The following VPS53 variants were observed in gnomAD, a reference collection of about 807,000 sequenced individuals.
VPS53 encodes the protein VPS53 subunit of GARP complex, also known as vacuolar protein sorting-associated protein 53 homolog.
VPS53 carries 70 observed loss-of-function variants against 107.0 expected under a neutral mutation model. That is an observed-to-expected ratio of 0.65 (90% CI 0.54 to 0.80). The LOEUF (loss-of-function observed/expected upper bound fraction) is 0.80. Ranked by LOEUF, VPS53 falls within the 30% of genes least tolerant of loss-of-function variation. VPS53 has a pLI of 0.00. For synonymous variants in VPS53, 409 were observed against 393.3 expected, an observed-to-expected ratio of 1.04 and a Z score of -0.47; for missense variants, 917 against 1,049.4, an observed-to-expected ratio of 0.87 and a Z score of 1.74.
In VPS53 at chr17:653,360, C is replaced by T; in HGVS notation, c.539G>A (p.Gly180Asp). The change falls in exon 7 of 22, where the codon GGT (glycine) becomes GAT (aspartate). Residue 180 changes from glycine (G) to aspartate (D), a missense_variant. Transcript: ENST00000437048. ...GAAGTGCTCCAGGACATTCATCACA[C>T]CCTGAAGGAGATTAGCAACTTCTCC... ...QYGEVANLLQ[G>D]VMNVLEHFHK... 1 of 1,614,236 alleles carries T rather than the reference C, an allele frequency of 6.2e-7. No homozygotes were observed. The highest frequency in any genetic ancestry group is 2.2e-5 in the East Asian group (1 of 44,888).
At chr17:550,673 C>G (rs1911735053) in intron 17 of VPS53, among the ~76,000 whole-genome samples, 1 of 152,122 alleles carries the variant, frequency 6.6e-6, no homozygotes, top group Non-Finnish European at 1.5e-5. Context: ...AAAAATGAAT[C>G]TCCCATATTC....
chr17:596,438 A>G (rs73277159), intron 12 of VPS53, among the ~76,000 whole-genome samples: 1,683 of 152,280 alleles, frequency 0.011, 27 homozygotes, highest in African/African-American at 0.034. Flanking sequence ...ACACTCAGAA[A>G]GCTGCATGAC....
intron 8 of VPS53, among the ~76,000 whole-genome samples, chr17:628,741 T>A (rs1487395968): frequency 1.3e-5 from 2 of 152,120 alleles, no homozygotes; most frequent in African/African-American, 2.4e-5. Context: ...CCTTAACACA[T>A]AAAACCAGGT....
intron 19 of VPS53, among the ~76,000 whole-genome samples, chr17:522,033 C>T (rs773690034): frequency 5.9e-5 from 9 of 152,132 alleles, no homozygotes; most frequent in Non-Finnish European, 7.3e-5. Flanking sequence ...GCAGCAGGAT[C>T]GCTTGAGCTC....
rs948092520 is a variant in VPS53 at position 519,643 on chromosome 17, T to G, written c.2328+183A>C. ...GCGGGGCATGCAGGGCCTGTCAGAA[T>G]CCTGAAGTGCACGTGCCCGGGGCCA... On this transcript the variant is annotated intron_variant, in intron 21 of 21. Coordinates refer to ENST00000437048, the MANE Select transcript of VPS53 (RefSeq NM_001128159.3). This position sits in a 1 kb window ranked among gnomAD's most constrained non-coding sequence, Gnocchi z 5.0. Among the ~76,000 whole-genome samples, 1 of 152,156 alleles carries G rather than the reference T, an allele frequency of 6.6e-6. No individual in the cohort carries two copies. Among genetic ancestry groups the G allele is most frequent in the African/African-American group, 2.4e-5 (1 of 41,424 alleles).
intron 4 of VPS53, chr17:685,053 G>A (rs1972537319): frequency 6.6e-6 from 1 of 152,174 alleles, no homozygotes; most frequent in South Asian, 2.1e-4. Flanking sequence ...AAGTCCTGAT[G>A]ATCTTGGCGT....
intron 11 of VPS53, among the ~76,000 whole-genome samples, chr17:606,087 T>C (rs185530189): frequency 3.7e-4 from 57 of 152,174 alleles, no homozygotes; most frequent in Non-Finnish European, 4.4e-5. Context: ...GATGGGGAAC[T>C]GGACTAAGCT....
chr17:572,796 A>G (rs961785547), intron 13 of VPS53, among the ~76,000 whole-genome samples: 21 of 149,604 alleles, frequency 1.4e-4, no homozygotes, highest in African/African-American at 5.1e-4. Flanking sequence ...AGGGCAGTGC[A>G]AGATGTGCTT....
intron 19 of VPS53, among the ~76,000 whole-genome samples, chr17:531,620 T>G (rs1346001120): frequency 6.6e-6 from 1 of 152,078 alleles, no homozygotes; most frequent in Admixed American, 6.5e-5. Flanking sequence ...TTCAGCCTCC[T>G]CCTGAGCAGC....
chr17:582,643 G>A (rs541711387), intron 13 of VPS53, among the ~76,000 whole-genome samples: 2 of 147,092 alleles, frequency 1.4e-5, no homozygotes, highest in Non-Finnish European at 3.0e-5. Flanking sequence ...AGACCCTAAC[G>A]TGTTCCCAGA....
At chr17:521,143 G>A (rs1908720991) in intron 20 of VPS53, among the ~76,000 whole-genome samples, 2 of 152,334 alleles carry the variant, frequency 1.3e-5, no homozygotes, top group South Asian at 2.1e-4. Flanking sequence ...GTACAGTCTT[G>A]TTAAATGGGG....
At chr17:689,464 A>ATTTT (rs1184638230) in intron 4 of VPS53, among the ~76,000 whole-genome samples, 6 of 111,636 alleles carry the variant, frequency 5.4e-5, no homozygotes, top group Admixed American at 1.1e-4. Context: ...TGCTGGACTA[A>ATTTT]TTTTTTTTTT....
intron 7 of VPS53, among the ~76,000 whole-genome samples, chr17:649,547 TG>T (rs1970846311): frequency 8.4e-6 from 1 of 119,376 alleles, no homozygotes; most frequent in Non-Finnish European, 1.8e-5. Flanking sequence ...GAACAGGCAC[TG>T]AAGATCTTAC....
At chr17:559,489 A>G (rs76081252) in intron 15 of VPS53, among the ~76,000 whole-genome samples, 10,451 of 152,208 alleles carry the variant, frequency 0.069, 523 homozygotes, top group Non-Finnish European at 0.11. Flanking sequence ...CCAAGGCCAA[A>G]CCCTGGAAGG....
At chr17:574,809 C>T (rs973753937) in intron 13 of VPS53, among the ~76,000 whole-genome samples, 1 of 152,118 alleles carries the variant, frequency 6.6e-6, no homozygotes, top group African/African-American at 2.4e-5. Flanking sequence ...AACTTTTAAG[C>T]CTTTTAAAAC....
At chr17:632,910 G>A (rs1406038416) in intron 7 of VPS53, 1 of 384,842 alleles carries the variant, frequency 2.6e-6, no homozygotes, top group Admixed American at 3.3e-5. Flanking sequence ...GTTTTCTAAG[G>A]TAAAAACAAA....
chr17:614,771 A>G (rs1969060477), intron 11 of VPS53, among the ~76,000 whole-genome samples: 1 of 152,224 alleles, frequency 6.6e-6, no homozygotes, highest in Admixed American at 6.5e-5. Flanking sequence ...TCCATGGCTG[A>G]CAATTGTACC....
chr17:539,499 GA>G (rs565584434), intron 17 of VPS53, among the ~76,000 whole-genome samples: 412 of 152,342 alleles, frequency 2.7e-3, no homozygotes, highest in African/African-American at 9.1e-3. Flanking sequence ...AGTCAACTAA[GA>G]AAGTGATTTA....
intron 4 of VPS53, among the ~76,000 whole-genome samples, chr17:692,373 G>A (rs977442635): frequency 1.3e-5 from 2 of 152,112 alleles, no homozygotes; most frequent in African/African-American, 2.4e-5. Context: ...GATAAAAATG[G>A]GGAGGATTCC....
Sources: gnomAD v4.1 joint callset for allele counts (sites outside exome capture counted in the v4.1 genomes callset) on GRCh38, gnomAD v4.1.1 for gene constraint, Gnocchi (gnomAD v3.1) non-coding constraint, MANE v1.5 for transcripts, NCBI Gene and HGNC (gene_info 2026-07-23, HGNC 2026-07-21) for gene names.